Variants in MAGI1 observed in about 807,000 individuals in gnomAD.
MAGI1 encodes membrane-associated guanylate kinase, WW and PDZ domain-containing protein 1.
A neutral mutation model predicts 139.9 loss-of-function variants in MAGI1; 58 were observed. The ratio of observed to expected loss-of-function variants is 0.41; its 90% CI spans 0.34 to 0.52. MAGI1 has a LOEUF of 0.52. Ranked by LOEUF, MAGI1 falls within the 20% of genes least tolerant of loss-of-function variation. The pLI, the probability that MAGI1 is intolerant of heterozygous loss-of-function variation, is 0.12. For synonymous variants in MAGI1, 812 were observed against 737.9 expected, an observed-to-expected ratio of 1.10 and a Z score of -1.63; for missense variants, 1,874 against 1,901.6, an observed-to-expected ratio of 0.99 and a Z score of 0.27.
intron 1 of MAGI1, among the ~76,000 whole-genome samples, chr3:65,967,304 T>C (rs1326258812): frequency 6.6e-6 from 1 of 152,182 alleles, no homozygotes; most frequent in East Asian, 1.9e-4. Flanking sequence ...TCTTTCAACG[T>C]TGCTGTATGT....
intron 1 of MAGI1, among the ~76,000 whole-genome samples, chr3:65,652,530 T>C (rs2085643763): frequency 6.6e-6 from 1 of 152,100 alleles, no homozygotes; most frequent in Non-Finnish European, 1.5e-5. Context: ...TCTCCAGACA[T>C]TGTCAAATGT....
At chr3:65,378,538 A>T (rs574853899) in intron 17 of MAGI1, among the ~76,000 whole-genome samples, 164 of 152,266 alleles carry the variant, frequency 1.1e-3, no homozygotes, top group African/African-American at 3.8e-3. Flanking sequence ...AAAACTCTTA[A>T]GACATTCTTA....
At chr3:65,929,283 T>G (rs1055324864) in intron 1 of MAGI1, among the ~76,000 whole-genome samples, 1 of 152,156 alleles carries the variant, frequency 6.6e-6, no homozygotes, top group Admixed American at 6.5e-5. Flanking sequence ...CAAATTCATT[T>G]CATATGTAGG....
At chr3:65,693,703 T>TTTGTTTTTG (rs111280018) in intron 1 of MAGI1, among the ~76,000 whole-genome samples, 18,054 of 151,860 alleles carry the variant, frequency 0.12, 1,638 homozygotes, top group East Asian at 0.43. Context: ...AGAACAGTTT[T>TTTGTTTTTG]TTTTTGTTTT....
In MAGI1 at chr3:65,979,088, T is replaced by TCCCCCCCCCCCC. The variant is rs200894076; in HGVS notation, c.313+58907_313+58908insGGGGGGGGGGGG. 1.8e-3 allele frequency among the ~76,000 whole-genome samples: 93 copies of TCCCCCCCCCCCC among 52,968 alleles called. 1 individual carries two copies. Among genetic ancestry groups the TCCCCCCCCCCCC allele is most frequent in the African/African-American group, 2.2e-3 (32 of 14,354 alleles). 34.7% of individuals were successfully genotyped at this position (52,968 alleles called of 152,430 possible). ...AACAGCCAAAGTTTTTTTCTTTTCTTCCCCCCCCCCGCCACCCCCCACAGC... is the reference window on the plus strand; with the variant it reads ...AACAGCCAAAGTTTTTTTCTTTTCTTCCCCCCCCCCCCCCCCCCCCCCGCCACCCCCCACAGC... On this transcript the variant is annotated intron_variant, in intron 1 of 22. Transcript: ENST00000402939.
chr3:65,758,112 C>T (rs2036703104), intron 1 of MAGI1, among the ~76,000 whole-genome samples: 1 of 152,180 alleles, frequency 6.6e-6, no homozygotes, highest in Non-Finnish European at 1.5e-5. Context: ...CACTCGCTGA[C>T]TTCAAAGGTC....
intron 1 of MAGI1, among the ~76,000 whole-genome samples, chr3:65,844,862 C>G (rs1304410726): frequency 2.6e-5 from 4 of 152,144 alleles, no homozygotes; most frequent in African/African-American, 9.7e-5. Flanking sequence ...TCCCTAACTC[C>G]ACTCTTAAAG....
intron 22 of MAGI1, chr3:65,359,984 T>A (rs986384727): frequency 2.9e-5 from 29 of 985,282 alleles, no homozygotes; most frequent in Non-Finnish European, 3.5e-5. Context: ...AGCCACGGCA[T>A]CTTAATGTTG....
In MAGI1 at chr3:65,478,523, ACT is replaced by A. The variant is rs1419955869; in HGVS notation, c.757+67_757+68del. Reference sequence around the variant, plus strand: ...TCCTGAGAACAGCATCCTTTTCAAAACTCTATGCAAAAGCCTCCTCGTCATCC... The same window carrying A: ...TCCTGAGAACAGCATCCTTTTCAAAACTATGCAAAAGCCTCCTCGTCATCC... On this transcript the variant is annotated intron_variant, in intron 4 of 22. Transcript: ENST00000402939. The A allele has an allele frequency of 8.8e-5, 130 of 1,469,976 alleles. No individual in the cohort carries two copies. The East Asian group carries it at 2.8e-3, about 32-fold the overall frequency. 91.1% of individuals were successfully genotyped at this position (1,469,976 alleles called of 1,614,324 possible).
intron 2 of MAGI1, among the ~76,000 whole-genome samples, chr3:65,527,046 G>C (rs1375006185): frequency 6.6e-6 from 1 of 152,220 alleles, no homozygotes; most frequent in Non-Finnish European, 1.5e-5. Flanking sequence ...GGAAGGCTAA[G>C]ATTCACGTAT....
At chr3:65,882,778 A>AG (rs1225052725) in intron 1 of MAGI1, among the ~76,000 whole-genome samples, 1 of 151,754 alleles carries the variant, frequency 6.6e-6, no homozygotes, top group Non-Finnish European at 1.5e-5. Flanking sequence ...ACAGAATATC[A>AG]GAAAAAATTA....
chr3:65,426,671 A>G (rs1278711018), intron 12 of MAGI1, among the ~76,000 whole-genome samples: 1 of 152,218 alleles, frequency 6.6e-6, no homozygotes, highest in African/African-American at 2.4e-5. Context: ...CCCACTATAC[A>G]GAAGAGATGA....
intron 1 of MAGI1, among the ~76,000 whole-genome samples, chr3:65,650,280 C>T (rs779754483): frequency 6.6e-6 from 1 of 152,152 alleles, no homozygotes; most frequent in African/African-American, 2.4e-5. Context: ...TAGTCTGTGA[C>T]ATTCTGTTAT....
intron 1 of MAGI1, among the ~76,000 whole-genome samples, chr3:65,659,652 C>T (rs1047145963): frequency 6.6e-6 from 1 of 152,138 alleles, no homozygotes; most frequent in Admixed American, 6.5e-5. Flanking sequence ...TGAGTAAACC[C>T]GTACTCCCCT....
intron 1 of MAGI1, among the ~76,000 whole-genome samples, chr3:65,888,098 C>T (rs567463363): frequency 7.2e-5 from 11 of 152,234 alleles, no homozygotes; most frequent in Admixed American, 2.6e-4. Flanking sequence ...AGTTGATTAG[C>T]GAAATTACCT....
chr3:65,680,995 T>C (rs115681608), intron 1 of MAGI1, among the ~76,000 whole-genome samples: 2,490 of 152,292 alleles, frequency 0.016, 58 homozygotes, highest in African/African-American at 0.056. Context: ...TTTTAAGCCA[T>C]TCTGGCAAAG....
At chr3:65,908,132 A>G (rs535818967) in intron 1 of MAGI1, among the ~76,000 whole-genome samples, 67 of 152,320 alleles carry the variant, frequency 4.4e-4, no homozygotes, top group African/African-American at 1.6e-3. Flanking sequence ...TGAATCCAAA[A>G]TAACAGAAGA....
At chr3:65,780,604 CTT>C (rs2038853321) in intron 1 of MAGI1, among the ~76,000 whole-genome samples, 1 of 152,090 alleles carries the variant, frequency 6.6e-6, no homozygotes, top group African/African-American at 2.4e-5. Flanking sequence ...AAAGTTTCCT[CTT>C]TGAGTGAAGA....
chr3:65,453,695 A>G (rs1423243549), intron 5 of MAGI1, among the ~76,000 whole-genome samples: 3 of 152,190 alleles, frequency 2.0e-5, no homozygotes, highest in Non-Finnish European at 2.9e-5. Flanking sequence ...GAAAACTTCC[A>G]TTTATTTTAA....
Sources: gnomAD v4.1 joint callset for allele counts (sites outside exome capture counted in the v4.1 genomes callset) on GRCh38, gnomAD v4.1.1 for gene constraint, MANE v1.5 for transcripts, NCBI Gene and HGNC (gene_info 2026-07-23, HGNC 2026-07-21) for gene names.